The following MAX variants were observed in gnomAD, a reference collection of about 807,000 sequenced individuals.
MAX encodes the protein MYC associated transcriptional regulator X, also known as protein max.
A neutral mutation model predicts 22.3 loss-of-function variants in MAX; 3 were observed. The ratio of observed to expected loss-of-function variants is 0.13; its 90% CI spans 0.06 to 0.35. The LOEUF (loss-of-function observed/expected upper bound fraction) is 0.35. Ranked by LOEUF, MAX falls within the 10% of genes least tolerant of loss-of-function variation. MAX has a pLI of 1.00. For synonymous variants in MAX, 72 were observed against 77.7 expected, an observed-to-expected ratio of 0.93 and a Z score of 0.39; for missense variants, 119 against 209.4, an observed-to-expected ratio of 0.57 and a Z score of 2.66.
At chr14:65,046,351 G>T in intron 3 of MAX, among the ~76,000 whole-genome samples, 1 of 152,190 alleles carries the variant, frequency 6.6e-6, no homozygotes, top group East Asian at 1.9e-4. Context: ...CAAGCCCCTG[G>T]TAAAATGGTC....
chr14:65,045,813 T>A (rs1482270185), intron 3 of MAX, among the ~76,000 whole-genome samples: 1 of 152,148 alleles, frequency 6.6e-6, no homozygotes, highest in Non-Finnish European at 1.5e-5. Context: ...TGTCCCATTT[T>A]CCCGGCCTGG....
At chr14:65,096,576 A>T (rs891329129) in intron 2 of MAX, among the ~76,000 whole-genome samples, 2 of 152,104 alleles carry the variant, frequency 1.3e-5, no homozygotes, top group Non-Finnish European at 2.9e-5. Context: ...AGGCTTTATC[A>T]CTGCCTTGTT....
At position 65,030,403 on chromosome 14, in the gene MAX, C is replaced by T. The variant is rs2062057471; in HGVS notation, c.172-24119G>A. Among the ~76,000 whole-genome samples the T allele has an allele frequency of 1.3e-5, 2 of 152,122 alleles. No individual in the cohort carries two copies. ...CTTCTGCAGAGACTTCTTTGGAATA[C>T]CTCAGTAAGTCTGACTTCATGTTAT... On this transcript the variant is annotated intron_variant, in intron 3 of 3. Coordinates refer to the MAX transcript ENST00000341653. This position sits in a 1 kb window ranked among gnomAD's most constrained non-coding sequence, Gnocchi z 4.5.
downstream of MAX, among the ~76,000 whole-genome samples, chr14:65,071,121 G>A (rs912308105): frequency 2.6e-5 from 4 of 151,866 alleles, no homozygotes; most frequent in African/African-American, 4.8e-5. This position sits in a 1 kb window ranked among gnomAD's most constrained non-coding sequence, Gnocchi z 4.2. Flanking sequence ...TTACATCAGC[G>A]AAAAGGAGAG....
At chr14:65,019,035 CCTT>C (rs1438490696) in intron 3 of MAX, among the ~76,000 whole-genome samples, 2 of 152,026 alleles carry the variant, frequency 1.3e-5, no homozygotes, top group Admixed American at 6.6e-5. Context: ...ACAAGAGTCT[CCTT>C]CTGTTACTGC....
intron 3 of MAX, among the ~76,000 whole-genome samples, chr14:65,048,902 G>A (rs938433620): frequency 6.6e-6 from 1 of 151,544 alleles, no homozygotes. Flanking sequence ...CGAGGTGGGT[G>A]GATCATGAGC....
At chr14:65,089,781 A>T (rs2063448480) in intron 3 of MAX, 3 of 119,716 alleles carry the variant, frequency 2.5e-5, no homozygotes, top group African/African-American at 1.2e-4. Context: ...AAAAAAAAAA[A>T]AAAAAAAAAA....
Position 65,069,614 on chromosome 14 carries a change from G to A in MAX, c.171+24094C>T, listed in dbSNP as rs544132973. 5.9e-5 allele frequency among the ~76,000 whole-genome samples: 9 copies of A among 152,334 alleles called. No individual in the cohort carries two copies. The South Asian group carries it at 1.2e-3, about 21-fold the overall frequency. On this transcript the variant is annotated intron_variant, in intron 3 of 3. Transcript: ENST00000341653. The surrounding 1 kb of genome is among the most constrained non-coding windows in gnomAD (Gnocchi z 4.6). The stretch of plus-strand genomic sequence containing the variant: ...CAACCCTGGAACCGCCCTATCAAGG[G>A]CACAGAGATGAAGGTACATCACAAG...
chr14:65,023,845 A>G lies in MAX; in HGVS notation c.172-17561T>C, dbSNP rs2061930482. 6.6e-6 allele frequency among the ~76,000 whole-genome samples: 1 copy of G among 152,314 alleles called. No homozygotes were observed. Among genetic ancestry groups the G allele is most frequent in the East Asian group, 1.9e-4 (1 of 5,182 alleles). On this transcript the variant is annotated intron_variant, in intron 3 of 3. Coordinates refer to the MAX transcript ENST00000341653. This position sits in a 1 kb window ranked among gnomAD's most constrained non-coding sequence, Gnocchi z 4.1. The stretch of plus-strand genomic sequence containing the variant: ...GCCGGGCATGGTGGCTCACGCCTGT[A>G]ATCCTAGCACTTTGGGAGGCCAAGG...
intron 3 of MAX, among the ~76,000 whole-genome samples, chr14:65,066,096 T>C (rs1365900664): frequency 1.3e-5 from 2 of 152,314 alleles, no homozygotes; most frequent in East Asian, 3.9e-4. Flanking sequence ...CTAGGCTGGA[T>C]GGCTGAGGCC....
rs1397217959 is a variant in MAX at position 65,047,369 on chromosome 14, A to T, written c.172-41085T>A. On this transcript the variant is annotated intron_variant, in intron 3 of 3. Coordinates refer to the MAX transcript ENST00000341653. The surrounding 1 kb of genome is among the most constrained non-coding windows in gnomAD (Gnocchi z 5.2). ...GTTGTGTGAATCCAGACTAGCTGGCATCTGAACCCTGCCCTGCTCATAACC... is the reference window on the plus strand; with the variant it reads ...GTTGTGTGAATCCAGACTAGCTGGCTTCTGAACCCTGCCCTGCTCATAACC... Among the ~76,000 whole-genome samples, 1 of 152,248 alleles carries T rather than the reference A, an allele frequency of 6.6e-6. No individual in the cohort carries two copies. The highest frequency in any genetic ancestry group is 1.9e-4 in the East Asian group (1 of 5,204).
At chr14:65,022,520 ATAT>A (rs907473131) in intron 3 of MAX, among the ~76,000 whole-genome samples, 3 of 151,804 alleles carry the variant, frequency 2.0e-5, no homozygotes, top group Non-Finnish European at 2.9e-5. Context: ...ATTGTCTGTA[ATAT>A]TAAGCTTTTT....
rs2062880138 is a variant in MAX, at chr14:65,062,311, G to T, written c.171+31397C>A. ...CGTCCTGCCCACTCTAGGCTCACAG[G>T]AATAAAATCAAGTGCTAGACACACT... is the stretch of plus-strand genomic sequence containing the variant. On this transcript the variant is annotated intron_variant, in intron 3 of 3. Transcript: ENST00000341653. This position sits in a 1 kb window ranked among gnomAD's most constrained non-coding sequence, Gnocchi z 4.3. The T allele has an allele frequency of 6.6e-6, 1 of 152,300 alleles. No homozygotes were observed. The highest frequency in any genetic ancestry group is 1.5e-5 in the Non-Finnish European group (1 of 68,062). The allele number at this position is 152,300 out of a possible 1,614,324, so 9.4% of individuals were successfully genotyped here.
At position 65,078,065 on chromosome 14, in the gene MAX, G is replaced by T. The variant is rs1301994191; in HGVS notation, c.172-29C>A. The stretch of plus-strand genomic sequence containing the variant: ...TGGCAATATGAGAAAAAGCACAGGG[G>T]ACAAAATAAAAACCCAATCCAGGCA... On this transcript the variant is annotated intron_variant, in intron 3 of 4. Coordinates refer to ENST00000358664, the MANE Select transcript of MAX (RefSeq NM_002382.5). This position sits in a 1 kb window ranked among gnomAD's most constrained non-coding sequence, Gnocchi z 6.4. 6.2e-7 allele frequency: 1 copy of T among 1,614,020 alleles called. No homozygotes were observed. Among genetic ancestry groups the T allele is most frequent in the Non-Finnish European group, 8.5e-7 (1 of 1,180,026 alleles).
Position 65,077,422 on chromosome 14 carries a change from C to T in MAX, c.295+491G>A, listed in dbSNP as rs774474800. The T allele has an allele frequency of 2.4e-5, 39 of 1,610,404 alleles. No individual in the cohort carries two copies. The South Asian group carries it at 4.3e-4, about 18-fold the overall frequency. ...GAACAAAGAACTTGATCAGCTCTCG[C>T]TTTCCCCTGTGGTTGTAGGAAAAGG... On this transcript the variant is annotated intron_variant, in intron 4 of 4. Transcript: ENST00000358664. This position sits in a 1 kb window ranked among gnomAD's most constrained non-coding sequence, Gnocchi z 6.3.
rs776724315 is a variant in MAX at position 65,101,538 on chromosome 14, A to G, written c.63+8T>C. ...AAATAAAAATGAAATGGAGAGTAGG[A>G]GACGTACCGCAGATTGAAACCTCGG... On this transcript the variant is annotated splice_region_variant and intron_variant, in intron 2 of 4. Transcript: ENST00000358664. The G allele has an allele frequency of 7.5e-6, 12 of 1,609,256 alleles. No individual in the cohort carries two copies. Among genetic ancestry groups the G allele is most frequent in the Non-Finnish European group, 1.0e-5 (12 of 1,176,100 alleles).
At chr14:65,064,086 CAG>C (rs779292330) in intron 3 of MAX, among the ~76,000 whole-genome samples, 13 of 152,240 alleles carry the variant, frequency 8.5e-5, no homozygotes, top group Non-Finnish European at 1.6e-4. Flanking sequence ...CATGGATAAT[CAG>C]GGGAAACACC....
intron 3 of MAX, among the ~76,000 whole-genome samples, chr14:65,089,329 T>C (rs2063432230): frequency 6.6e-6 from 1 of 152,164 alleles, no homozygotes. Context: ...AAATTCTGTT[T>C]TTCTTTATTT....
rs2061997325 is a variant in MAX, at chr14:65,027,130, C to G, written c.172-20846G>C. ...CAGGGCAGCAAGTTGAGTGGAAAGT[C>G]TGGGAAAGGTTTGTGTGGGAAGCAC... On this transcript the variant is annotated intron_variant, in intron 3 of 3. Transcript: ENST00000341653. This position sits in a 1 kb window ranked among gnomAD's most constrained non-coding sequence, Gnocchi z 5.7. 6.6e-6 allele frequency among the ~76,000 whole-genome samples: 1 copy of G among 152,150 alleles called. No homozygotes were observed. The highest frequency in any genetic ancestry group is 1.5e-5 in the Non-Finnish European group (1 of 68,022).
Sources: allele counts gnomAD v4.1 joint callset (sites outside exome capture counted in the v4.1 genomes callset), GRCh38; gene constraint gnomAD v4.1.1; non-coding constraint Gnocchi (gnomAD v3.1); transcripts MANE v1.5; gene names NCBI Gene and HGNC (gene_info 2026-07-23, HGNC 2026-07-21).